NUDT12: variants seen among roughly 807,000 people sequenced by gnomAD.
NUDT12 encodes NAD-capped RNA hydrolase NUDT12.
A neutral mutation model predicts 45.7 loss-of-function variants in NUDT12; 42 were observed. That is an observed-to-expected ratio of 0.92 (90% CI 0.72 to 1.19). The LOEUF (loss-of-function observed/expected upper bound fraction) is 1.19. NUDT12 is among the 50% of genes most tolerant of loss of function. The pLI, the probability that NUDT12 is intolerant of heterozygous loss-of-function variation, is 0.00. For synonymous variants in NUDT12, 206 were observed against 179.7 expected, an observed-to-expected ratio of 1.15 and a Z score of -1.17; for missense variants, 590 against 533.1, an observed-to-expected ratio of 1.11 and a Z score of -1.05.
At chr5:103,559,588 A>G in intron 2 of NUDT12, 120 bp from the exon 3 acceptor site, 1 of 527,076 alleles carries the variant, frequency 1.9e-6, no homozygotes, top group Non-Finnish European at 3.1e-6. Context: ...TAATGATTAC[A>G]TAGATTTTTT....
At chr5:103,557,234 AAAGC>A (rs1221899095) in intron 3 of NUDT12, among the ~76,000 whole-genome samples, 1 of 146,218 alleles carries the variant, frequency 6.8e-6, no homozygotes, top group Non-Finnish European at 1.5e-5. Context: ...ACAAGGGAAA[AAAGC>A]AAGCAACTAG....
chr5:103,559,377 T>C lies in NUDT12; in HGVS notation c.298A>G (p.Thr100Ala), dbSNP rs1295614213. ...GYKHIANLLA[T>A]AKGGKKPWFL... ...CAAGGCTTCTTCCCACCTTTAGCAG[T>C]AGCTAGTAAATTAGCTATATGCTTA... is the stretch of plus-strand genomic sequence containing the variant. Residue 100 changes from threonine (T) to alanine (A), a missense_variant, in exon 3 of 7, where the codon ACT becomes GCT. Coordinates refer to ENST00000230792, the MANE Select transcript of NUDT12 (RefSeq NM_031438.4). 1.3e-5 allele frequency: 21 copies of C among 1,612,866 alleles called. No individual in the cohort carries two copies. Among genetic ancestry groups the C allele is most frequent in the Non-Finnish European group, 1.5e-5 (18 of 1,179,440 alleles).
At chr5:103,557,249 C>T (rs1443030393) in intron 3 of NUDT12, among the ~76,000 whole-genome samples, 1 of 124,514 alleles carries the variant, frequency 8.0e-6, no homozygotes, top group Non-Finnish European at 1.7e-5. Flanking sequence ...AAGCAACTAG[C>T]TCATTTATCA....
chr5:103,558,709 C>G (rs945835106), intron 3 of NUDT12, among the ~76,000 whole-genome samples, 170 bp downstream of exon 3: 21 of 152,042 alleles, frequency 1.4e-4, no homozygotes, highest in African/African-American at 4.8e-4. Context: ...CTACTAACTG[C>G]CCAGGAGAGT....
In NUDT12 at chr5:103,559,183, G is replaced by A. The variant is rs138990733; in HGVS notation, c.492C>T (p.Gly164=). ...SDLNPLVTLG[G]NKESFQQPEV... The stretch of plus-strand genomic sequence containing the variant: ...CTGGCTGTTGGAAACTTTCTTTATT[G>A]CCACCTAGAGTAACCAAGGGATTTA... The change falls in exon 3 of 7, where the codon GGC becomes GGT. Residue 164 remains glycine (G), a synonymous_variant. Coordinates refer to ENST00000230792, the MANE Select transcript of NUDT12 (RefSeq NM_031438.4). 6.4e-7 allele frequency: 1 copy of A among 1,552,330 alleles called. No homozygotes were observed. Among genetic ancestry groups the A allele is most frequent in the Non-Finnish European group, 8.7e-7 (1 of 1,153,610 alleles).
At chr5:103,561,712 A>G (rs1173480431) in intron 1 of NUDT12, among the ~76,000 whole-genome samples, 2 of 152,228 alleles carry the variant, frequency 1.3e-5, no homozygotes, top group Non-Finnish European at 2.9e-5. Context: ...TTTATTTTCC[A>G]AAAACCCATA....
In NUDT12 at chr5:103,552,391, C is replaced by T; in HGVS notation, c.1104G>A (p.Arg368=). 6.2e-7 allele frequency: 1 copy of T among 1,613,840 alleles called. No individual in the cohort carries two copies. The highest frequency in any genetic ancestry group is 1.1e-5 in the South Asian group (1 of 91,078). ...EPGETIEDAV[R]REVEEESGVK... ...CTCCACTTTCCTCTTCTACTTCTCT[C>T]CTAACAGCATCTTCTATTGTCTCTC... Residue 368 remains arginine (R), a synonymous_variant, in exon 6 of 7, where the codon AGG becomes AGA. Transcript: ENST00000230792.
At chr5:103,551,703 T>C (rs1019388067) in intron 6 of NUDT12, among the ~76,000 whole-genome samples, 9 of 152,300 alleles carry the variant, frequency 5.9e-5, no homozygotes, top group Middle Eastern at 3.4e-3. Context: ...TAATTTATCT[T>C]TTAATATATT....
Position 103,549,691 on chromosome 5 carries a change from T to C in NUDT12, c.*1170A>G, listed in dbSNP as rs1192628414. 6.6e-6 allele frequency: 1 copy of C among 152,076 alleles called. No individual in the cohort carries two copies. Among genetic ancestry groups the C allele is most frequent in the Admixed American group, 6.6e-5 (1 of 15,260 alleles). 9.4% of individuals were successfully genotyped at this position (152,076 alleles called of 1,614,324 possible). On this transcript the variant is annotated 3_prime_UTR_variant, in exon 7 of 7. Coordinates refer to ENST00000230792, the MANE Select transcript of NUDT12 (RefSeq NM_031438.4). ...GGTCTCTTGTAGCTCTAGCATACAT[T>C]AGTAAAGATGCAAATTATACAAATT...
At chr5:103,551,732 A>T (rs1270097476) in intron 6 of NUDT12, among the ~76,000 whole-genome samples, 1 of 152,188 alleles carries the variant, frequency 6.6e-6, no homozygotes, top group Non-Finnish European at 1.5e-5. Flanking sequence ...ATGACATTTT[A>T]GAAAGTTATT....
rs11373550 is a variant in NUDT12, at chr5:103,554,859, G to GA, written c.965-7dup. ...TTGCATGATTACTACTGGATCTGTT[G>GA]AAAAAAAAAATCAGATACATGAATG... On this transcript the variant is annotated splice_polypyrimidine_tract_variant and splice_region_variant and intron_variant, in intron 4 of 6. Coordinates refer to ENST00000230792, the MANE Select transcript of NUDT12 (RefSeq NM_031438.4). The GA allele has an allele frequency of 0.57, 574,293 of 1,011,404 alleles. 142,133 individuals are homozygous for GA. The highest frequency in any genetic ancestry group is 0.67 in the Middle Eastern group (2,914 of 4,322). The allele number at this position is 1,011,404 out of a possible 1,614,324, so 62.7% of individuals were successfully genotyped here.
chr5:103,554,634 C>T (rs569037820), intron 5 of NUDT12, 106 bp downstream of exon 5: 10 of 401,606 alleles, frequency 2.5e-5, no homozygotes, highest in African/African-American at 1.0e-4. Flanking sequence ...TTAAAATAAC[C>T]GAGTTTTATA....
In NUDT12 at chr5:103,552,313, G is replaced by A; in HGVS notation, c.1182C>T (p.Ser394=). The change falls in exon 6 of 7, where the codon TCC becomes TCT. Residue 394 remains serine, a synonymous_variant. Transcript: ENST00000230792. ...GAGCTAAGCAACCAATCATTAAGGA[G>A]GAAGGCATTGGCCATGGTTGACAAG... The part of the protein sequence containing the change: ...YVACQPWPMP[S]SLMIGCLALA... 6.2e-7 allele frequency: 1 copy of A among 1,613,858 alleles called. No individual in the cohort carries two copies. Among genetic ancestry groups the A allele is most frequent in the Non-Finnish European group, 8.5e-7 (1 of 1,179,820 alleles).
At position 103,559,005 on chromosome 5, in the gene NUDT12, A is replaced by G. The variant is rs571297031; in HGVS notation, c.670T>C (p.Leu224=). 1 of 1,613,810 alleles carries G rather than the reference A, an allele frequency of 6.2e-7. No homozygotes were observed. Among genetic ancestry groups the G allele is most frequent in the African/African-American group, 1.3e-5 (1 of 75,034 alleles). ...GEVPREEEDG[L]VAWFALGIDP... is the part of the protein sequence containing the mutation. ...ATACCTAGAGCAAACCAGGCAACCA[A>G]TCCATCTTCCTCCTCTCTCGGGACT... Residue 224 remains leucine, a synonymous_variant, in exon 3 of 7, where the codon TTG becomes CTG. Coordinates refer to ENST00000230792, the MANE Select transcript of NUDT12 (RefSeq NM_031438.4).
chr5:103,558,684 C>G (rs184283501), intron 3 of NUDT12, among the ~76,000 whole-genome samples, 195 bp downstream of exon 3: 1 of 152,214 alleles, frequency 6.6e-6, no homozygotes, highest in East Asian at 1.9e-4. Flanking sequence ...GGAAATCAGT[C>G]TGGGCTGATT....
intron 5 of NUDT12, among the ~76,000 whole-genome samples, chr5:103,554,264 A>G (rs977757901): frequency 6.6e-6 from 1 of 152,092 alleles, no homozygotes; most frequent in African/African-American, 2.4e-5. Context: ...TTCTTGAAAC[A>G]TAAGATAATA....
In NUDT12 at chr5:103,550,981, A is replaced by T. The variant is rs1317159484; in HGVS notation, c.1279-10T>A. The T allele has an allele frequency of 1.3e-6, 2 of 1,581,662 alleles. No homozygotes were observed. The highest frequency in any genetic ancestry group is 1.7e-6 in the Non-Finnish European group (2 of 1,151,250). The stretch of plus-strand genomic sequence containing the variant: ...TCAGAACATCCAGGACCTAAAACAC[A>T]CCATAATAGAATGCATTAGGATTTC... On this transcript the variant is annotated splice_polypyrimidine_tract_variant and intron_variant, in intron 6 of 6. Coordinates refer to ENST00000230792, the MANE Select transcript of NUDT12 (RefSeq NM_031438.4).
At chr5:103,551,470 G>T (rs947699583) in intron 6 of NUDT12, among the ~76,000 whole-genome samples, 1 of 152,132 alleles carries the variant, frequency 6.6e-6, no homozygotes, top group Admixed American at 6.6e-5. Context: ...AAGTGATTCA[G>T]TTTCTAAAAT....
chr5:103,559,127 T>C lies in NUDT12; in HGVS notation c.548A>G (p.Asp183Gly). 1.3e-6 allele frequency: 2 copies of C among 1,587,830 alleles called. No homozygotes were observed. Among genetic ancestry groups the C allele is most frequent in the Non-Finnish European group, 8.6e-7 (1 of 1,169,288 alleles). ...EVRLCQLNYT[D>G]IKDYLAQPEK... ...AGGCTGGGCCAAATAATCCTTTATA[T>C]CTGTGTAGTTCAGCTGACAAAGCCT... Residue 183 changes from aspartate to glycine, a missense_variant, in exon 3 of 7, where the codon GAT becomes GGT. Transcript: ENST00000230792.
Sources: allele counts gnomAD v4.1 joint callset (sites outside exome capture counted in the v4.1 genomes callset), GRCh38; gene constraint gnomAD v4.1.1; transcripts MANE v1.5; gene names NCBI Gene and HGNC (gene_info 2026-07-23, HGNC 2026-07-21).